TTN: variants seen among roughly 807,000 people sequenced by gnomAD.
TTN encodes the protein connectin.
TTN carries 1,525 observed loss-of-function variants against 3,223.0 expected under a neutral mutation model. That is an observed-to-expected ratio of 0.47 (90% confidence interval 0.45 to 0.49). The LOEUF is 0.49. Among genes scored for constraint, TTN ranks in the 20% least tolerant of loss-of-function variants. The probability of loss-of-function intolerance (pLI) is 0.00; values close to 1 mark genes in which losing one functional copy is unlikely to be tolerated. For missense variants in TTN, 40,786 were observed against 43,424.0 expected, an observed-to-expected ratio of 0.94 and a Z score of 5.40; for synonymous variants, 14,094 against 15,161.0, an observed-to-expected ratio of 0.93 and a Z score of 5.17.
rs752993848 is a variant in TTN, at chr2:178,616,624, G to A, written c.48167C>T (p.Pro16056Leu). 37 of 1,611,804 alleles carry A rather than the reference G, an allele frequency of 2.3e-5. No homozygotes were observed. The highest frequency in any genetic ancestry group is 2.4e-5 in the Non-Finnish European group (28 of 1,178,906). ...GEIDVNVIAR[P>L]SAPKELKFGD... is the part of the protein sequence containing the mutation. ...AAATTTCAATTCTTTGGGTGCACTTGGGCGAGCTGAAAAAAAATGCACTCA... is the reference window on the plus strand; with the variant it reads ...AAATTTCAATTCTTTGGGTGCACTTAGGCGAGCTGAAAAAAAATGCACTCA... Residue 16056 changes from proline to leucine, a missense_variant, in exon 257 of 363, where the codon CCA (proline) becomes CTA (leucine). Physicochemically the swap from Pro to Leu is moderately conservative, Grantham distance 98. Coordinates refer to ENST00000589042, the MANE Select transcript of TTN (RefSeq NM_001267550.2).
At chr2:178,635,939 GAA>G in intron 226 of TTN, 22 bp downstream of exon 226, 1 of 1,555,852 alleles carries the variant, frequency 6.4e-7, no homozygotes. Context: ...TAAGCAGAAC[GAA>G]ATCTCCCAGG....
intron 16 of TTN, 45 bp from the exon 17 acceptor site, chr2:178,783,830 G>A: frequency 1.3e-6 from 2 of 1,513,334 alleles, no homozygotes; most frequent in Non-Finnish European, 1.8e-6. Flanking sequence ...TGAAATTAAG[G>A]GAAATCTCAT....
intron 138 of TTN, 119 bp from the exon 139 acceptor site, chr2:178,680,450 C>A (rs144376839): frequency 4.2e-5 from 34 of 811,736 alleles, no homozygotes; most frequent in Non-Finnish European, 6.1e-5. Context: ...GATACATATG[C>A]GATTGTTCAT....
rs777710012 is a variant in TTN, at chr2:178,535,965, A to G, written c.100765+17T>C. 1.3e-6 allele frequency: 2 copies of G among 1,523,328 alleles called. No homozygotes were observed. Among genetic ancestry groups the G allele is most frequent in the African/African-American group, 2.8e-5 (2 of 71,698 alleles). 94.4% of individuals were successfully genotyped at this position (1,523,328 alleles called of 1,614,324 possible). A position where few individuals can be genotyped will look rare whatever the true frequency, so the allele number is the denominator to read the frequency against. On this transcript the variant is annotated intron_variant, in intron 357 of 362. Coordinates refer to ENST00000589042, the MANE Select transcript of TTN (RefSeq NM_001267550.2). Reference sequence around the variant, plus strand: ...ACTCATTTAGCCTCAACTTGATGATAATTTATTTATTTTTACCTTCCACTT... The same window carrying G: ...ACTCATTTAGCCTCAACTTGATGATGATTTATTTATTTTTACCTTCCACTT...
In TTN at chr2:178,603,958, C is replaced by A. The variant is rs548723690; in HGVS notation, c.54729G>T (p.Gln18243His). ...VPRLLEGVKY[Q>H]FRAMAINAAG... ...CAGCATTTATTGCCATGGCTCTGAA[C>A]TGGTATTTAACGCCTTCAAGCAAAC... Residue 18243 changes from glutamine to histidine, a missense_variant, in exon 282 of 363, where the codon CAG becomes CAT. Physicochemically the swap from Gln to His is conservative, Grantham distance 24. Transcript: ENST00000589042. The A allele has an allele frequency of 2.5e-6, 4 of 1,612,644 alleles. No homozygotes were observed. The East Asian group carries it at 8.9e-5, about 36-fold the overall frequency.
chr2:178,711,905 G>A, intron 96 of TTN, 39 bp downstream of exon 96: 3 of 1,523,276 alleles, frequency 2.0e-6, no homozygotes, highest in African/African-American at 2.8e-5. Context: ...TTGTTCAAAA[G>A]AAACACAAAT....
chr2:178,634,009 C>T lies in TTN; in HGVS notation c.42490G>A (p.Glu14164Lys), dbSNP rs1211763723. The part of the protein sequence containing the change: ...KEGETATFVC[E>K]LSHEKMHVVW... ...ACATGCATTTTTTCATGAGAAAGTT[C>T]ACAAACAAAAGTTGCTGTTTCACCT... Residue 14164 changes from glutamate (E) to lysine (K), a missense_variant, in exon 231 of 363, where the codon GAA (glutamate) becomes AAA (lysine). Physicochemically the swap from Glu to Lys is moderately conservative, Grantham distance 56. Coordinates refer to ENST00000589042, the MANE Select transcript of TTN (RefSeq NM_001267550.2). The surrounding 1 kb of genome is among the most constrained non-coding windows in gnomAD (Gnocchi z 4.6). The T allele has an allele frequency of 6.2e-7, 1 of 1,613,296 alleles. No individual in the cohort carries two copies. The highest frequency in any genetic ancestry group is 1.3e-5 in the African/African-American group (1 of 74,974).
rs116254094 is a variant in TTN, at chr2:178,649,481, G to A, written c.39973+73C>T. 19,038 of 1,463,954 alleles carry A rather than the reference G, an allele frequency of 0.013. 274 individuals are homozygous for A. Among genetic ancestry groups the A allele is most frequent in the African/African-American group, 0.068 (4,812 of 70,408 alleles). 90.7% of individuals were successfully genotyped at this position (1,463,954 alleles called of 1,614,324 possible). A position where few individuals can be genotyped will look rare whatever the true frequency, so the allele number is the denominator to read the frequency against. On this transcript the variant is annotated intron_variant, in intron 212 of 362. Coordinates refer to ENST00000589042, the MANE Select transcript of TTN (RefSeq NM_001267550.2). ...TCCTTAGTTATGCAACAACAATGAG[G>A]ACAACTTATTGGATTCCACTTTAAG...
rs1577869516 is a variant in TTN, at chr2:178,713,303, A to G, written c.26831T>C (p.Val8944Ala). The change falls in exon 93 of 363, where the codon GTA becomes GCA. Residue 8944 changes from valine (V) to alanine (A), a missense_variant. Physicochemically the swap from Val to Ala is moderately conservative, Grantham distance 64. Coordinates refer to ENST00000589042, the MANE Select transcript of TTN (RefSeq NM_001267550.2). ...TGACCCATAGACTTTACACTCCATT[A>G]CAACTGAGGAGCCGGATAGACCATT... ...ETNGLSGSSV[V>A]MECKVYGSPP... is the part of the protein sequence containing the mutation. 6.3e-7 allele frequency: 1 copy of G among 1,596,324 alleles called. No homozygotes were observed. The highest frequency in any genetic ancestry group is 2.3e-5 in the East Asian group (1 of 44,250).
At position 178,620,786 on chromosome 2, in the gene TTN, G is replaced by A. The variant is rs760059046; in HGVS notation, c.45824C>T (p.Ala15275Val). Residue 15275 changes from alanine (A) to valine (V), a missense_variant, in exon 247 of 363, where the codon GCC becomes GTC. Coordinates refer to ENST00000589042, the MANE Select transcript of TTN (RefSeq NM_001267550.2). The stretch of plus-strand genomic sequence containing the variant: ...ATTGGTCAAAGACACATTATAGTTG[G>A]CTTGGTCATCTAAGTGTGCATCTCT... ...RIRDAHLDDQ[A>V]NYNVSLTNHR... 1.9e-6 allele frequency: 3 copies of A among 1,612,708 alleles called. No individual in the cohort carries two copies. The highest frequency in any genetic ancestry group is 2.5e-6 in the Non-Finnish European group (3 of 1,179,128).
chr2:178,553,765 G>C lies in TTN; in HGVS notation c.89240C>G (p.Thr29747Ser), dbSNP rs370568740. The change falls in exon 334 of 363, where the codon ACC (threonine) becomes AGC (serine). Residue 29747 changes from threonine to serine, a missense_variant. By Grantham distance (58) the Thr-to-Ser change is moderately conservative. Coordinates refer to ENST00000589042, the MANE Select transcript of TTN (RefSeq NM_001267550.2). The part of the protein sequence containing the change: ...PPAKIRIADS[T>S]KSSITLGWSK... ...CCAGCCAAGGGTGATGGATGACTTG[G>C]TTGAATCTGCGATTCTTATCTTAGC... is the stretch of plus-strand genomic sequence containing the variant. The C allele has an allele frequency of 1.9e-4, 301 of 1,608,082 alleles. 8 individuals carry two copies. The South Asian group carries it at 3.1e-3, about 17-fold the overall frequency.
chr2:178,568,072 G>T lies in TTN; in HGVS notation c.78060C>A (p.Ser26020Arg). The T allele has an allele frequency of 6.2e-7, 1 of 1,613,336 alleles. No homozygotes were observed. Among genetic ancestry groups the T allele is most frequent in the South Asian group, 1.1e-5 (1 of 91,062 alleles). The change falls in exon 326 of 363, where the codon AGC becomes AGA. Residue 26020 changes from serine to arginine, a missense_variant. Transcript: ENST00000589042. The part of the protein sequence containing the change: ...QWHEPVNNGG[S>R]PVIGYHLERK... The stretch of plus-strand genomic sequence containing the variant: ...TCTCCAGGTGGTAACCTATGACGGG[G>T]CTTCCACCATTGTTGACTGGTTCAT...
Position 178,793,290 on chromosome 2 carries a change from T to C in TTN, c.1536+114A>G, listed in dbSNP as rs2093607841. On this transcript the variant is annotated intron_variant, in intron 9 of 362. Transcript: ENST00000589042. ...TACACATACAACAAGGGGATCTTAT[T>C]AGTATGCTAACAACCATGTGGCCCA... 2.1e-6 allele frequency: 3 copies of C among 1,442,326 alleles called. No homozygotes were observed. The Admixed American group carries it at 6.4e-5, about 31-fold the overall frequency. 89.3% of individuals were successfully genotyped at this position (1,442,326 alleles called of 1,614,324 possible).
chr2:178,669,460 TA>T lies in TTN; in HGVS notation c.35471-14del. 1 of 1,552,120 alleles carries T rather than the reference TA, an allele frequency of 6.4e-7. No homozygotes were observed. Among genetic ancestry groups the T allele is most frequent in the African/African-American group, 1.4e-5 (1 of 72,180 alleles). On this transcript the variant is annotated splice_polypyrimidine_tract_variant and intron_variant, in intron 158 of 362. Coordinates refer to ENST00000589042, the MANE Select transcript of TTN (RefSeq NM_001267550.2). The stretch of plus-strand genomic sequence containing the variant: ...GGCATCCCAGGAACTTTAAAGATAT[TA>T]GTATATTAATTGTTACAGATAACAA...
intron 125 of TTN, 73 bp downstream of exon 125, chr2:178,688,980 G>T: frequency 6.8e-7 from 1 of 1,462,384 alleles, no homozygotes; most frequent in Non-Finnish European, 9.4e-7. Context: ...GATGGAAAAA[G>T]CAAGAATTTA....
At position 178,553,094 on chromosome 2, in the gene TTN, C is replaced by T. The variant is rs188667007; in HGVS notation, c.89806G>A (p.Ala29936Thr). The T allele has an allele frequency of 1.9e-6, 3 of 1,611,122 alleles. No homozygotes were observed. Among genetic ancestry groups the T allele is most frequent in the Non-Finnish European group, 2.5e-6 (3 of 1,177,866 alleles). ...TGTTTAACCTGTAGTTTCTGGCAGG[C>T]AGCTGGTGTGTCAAGCACTTTAACA... ...VSVKVLDTPA[A>T]CQKLQVKHVS... Residue 29936 changes from alanine to threonine, a missense_variant, in exon 335 of 363, where the codon GCC becomes ACC. Physicochemically the swap from Ala to Thr is moderately conservative, Grantham distance 58 (BLOSUM62 0). Coordinates refer to ENST00000589042, the MANE Select transcript of TTN (RefSeq NM_001267550.2).
chr2:178,532,925 G>C lies in TTN; in HGVS notation c.103690C>G (p.Pro34564Ala), dbSNP rs1427797198. 2 of 1,613,766 alleles carry C rather than the reference G, an allele frequency of 1.2e-6. No individual in the cohort carries two copies. Among genetic ancestry groups the C allele is most frequent in the Non-Finnish European group, 1.7e-6 (2 of 1,179,866 alleles). The change falls in exon 358 of 363, where the codon CCC (proline) becomes GCC (alanine). Residue 34564 changes from proline (P) to alanine (A), a missense_variant. Physicochemically the swap from Pro to Ala is conservative, Grantham distance 27 (BLOSUM62 -1). Transcript: ENST00000589042. ...EEDQRIKQFVPMSDMKWYKKI... is the reference protein window; with the variant it reads ...EEDQRIKQFVAMSDMKWYKKI... ...TTATACCACTTCATGTCAGACATGG[G>C]CACGAACTGCTTGATGCGTTGGTCT...
At chr2:178,595,953 G>A (rs1168626322) in intron 294 of TTN, 144 bp from the exon 295 acceptor site, 2 of 680,236 alleles carry the variant, frequency 2.9e-6, no homozygotes, top group African/African-American at 3.8e-5. Flanking sequence ...TTTTCCTTCT[G>A]CTATCTAGTC....
chr2:178,554,691 G>A lies in TTN; in HGVS notation c.88656C>T (p.Thr29552=). ...EFKTVTAEKI[T]LLWRPPADDG... ...CATCAGCTGGAGGCCGCCAGAGAAGGGTGATCTTCTCAGCAGTTACAGTCT... is the reference window on the plus strand; with the variant it reads ...CATCAGCTGGAGGCCGCCAGAGAAGAGTGATCTTCTCAGCAGTTACAGTCT... Residue 29552 remains threonine (T), a synonymous_variant, in exon 332 of 363, where the codon ACC becomes ACT. Transcript: ENST00000589042. 1 of 1,613,894 alleles carries A rather than the reference G, an allele frequency of 6.2e-7. No homozygotes were observed. The highest frequency in any genetic ancestry group is 8.5e-7 in the Non-Finnish European group (1 of 1,179,840).
Sources: allele counts gnomAD v4.1 joint callset, GRCh38; gene constraint gnomAD v4.1.1; non-coding constraint Gnocchi (gnomAD v3.1); transcripts MANE v1.5; gene names NCBI Gene and HGNC (gene_info 2026-07-23, HGNC 2026-07-21).